Variants in TENM2 observed in about 807,000 individuals in gnomAD.
The protein encoded by TENM2 is teneurin transmembrane protein 2.
A neutral mutation model predicts 245.2 loss-of-function variants in TENM2; 52 were observed. The observed-to-expected ratio is 0.21, with a 90% CI of 0.17 to 0.27. The LOEUF is 0.27. Among genes scored for constraint, TENM2 ranks in the 10% least tolerant of loss-of-function variants. The pLI, the probability that TENM2 is intolerant of heterozygous loss-of-function variation, is 1.00. For synonymous variants in TENM2, 1,363 were observed against 1,438.9 expected (o/e 0.95, Z 1.19); for missense variants, 3,046 against 3,666.8 (o/e 0.83, Z 4.37).
rs544682231 is a variant in TENM2 at position 167,880,597 on chromosome 5, A to C, written c.712+4402A>C. ...TGGGAATCCTCACAATGAGGCCAGAAAGAAGTTTGTCATAAAGGAGCTCAT... is the reference window on the plus strand; with the variant it reads ...TGGGAATCCTCACAATGAGGCCAGACAGAAGTTTGTCATAAAGGAGCTCAT... On this transcript the variant is annotated intron_variant, in intron 3 of 28. Transcript: ENST00000518659. 2.5e-4 allele frequency among the ~76,000 whole-genome samples: 38 copies of C among 152,282 alleles called. No homozygotes were observed. In the South Asian group the frequency reaches 7.9e-3, roughly 32 times the overall value.
chr5:167,446,704 G>C (rs1436031823), intron 2 of TENM2, among the ~76,000 whole-genome samples: 3 of 151,710 alleles, frequency 2.0e-5, no homozygotes, highest in Non-Finnish European at 4.4e-5. Context: ...TTTTTTGGGG[G>C]GGGGGATTTG....
In TENM2 at chr5:167,431,940, CATATATATGT is replaced by C. The variant is rs1457128687; in HGVS notation, c.502+56476_502+56485del. 2.7e-4 allele frequency among the ~76,000 whole-genome samples: 18 copies of C among 65,858 alleles called. 1 individual carries two copies. In the South Asian group the frequency reaches 2.9e-3, roughly 10 times the overall value. The allele number at this position is 65,858 out of a possible 152,430, so 43.2% of individuals were successfully genotyped here. A position where few individuals can be genotyped will look rare whatever the true frequency, so the allele number is the denominator to read the frequency against. ...ATATATATATATACATATATATATA[CATATATATGT>C]ATATATATATGTATATATATATATA... is the stretch of plus-strand genomic sequence containing the variant. On this transcript the variant is annotated intron_variant, in intron 2 of 28. Transcript: ENST00000518659.
the TENM2 span, among the ~76,000 whole-genome samples, chr5:167,199,682 T>C: frequency 6.6e-6 from 1 of 152,156 alleles, no homozygotes; most frequent in Admixed American, 6.5e-5. Context: ...TCTCCCCTTT[T>C]TGAAATAAGC....
intron 4 of TENM2, among the ~76,000 whole-genome samples, chr5:167,992,414 C>G (rs1313658707): frequency 6.6e-6 from 1 of 152,178 alleles, no homozygotes; most frequent in Non-Finnish European, 1.5e-5. Flanking sequence ...AGGTATCTAG[C>G]TCTATCCATG....
chr5:167,674,311 A>G (rs1411570866), intron 2 of TENM2, among the ~76,000 whole-genome samples: 1 of 152,096 alleles, frequency 6.6e-6, no homozygotes, highest in East Asian at 1.9e-4. Flanking sequence ...CAGTCATGCC[A>G]TCACCTTTGT....
intron 2 of TENM2, among the ~76,000 whole-genome samples, chr5:167,585,331 T>C (rs1240124088): frequency 1.3e-5 from 2 of 152,242 alleles, no homozygotes; most frequent in Non-Finnish European, 2.9e-5. Flanking sequence ...AAGTGGTGAC[T>C]ACCTCTCTCC....
At chr5:167,691,671 C>G (rs919612853) in intron 2 of TENM2, among the ~76,000 whole-genome samples, 1 of 152,096 alleles carries the variant, frequency 6.6e-6, no homozygotes, top group Non-Finnish European at 1.5e-5. Context: ...AGGGTCATTG[C>G]GCTCAAACAG....
At chr5:167,751,537 G>C (rs1021857327) in intron 2 of TENM2, among the ~76,000 whole-genome samples, 1 of 152,148 alleles carries the variant, frequency 6.6e-6, no homozygotes, top group Non-Finnish European at 1.5e-5. Flanking sequence ...GATAAAGTGA[G>C]AAAGAGAGAG....
At chr5:167,711,995 C>A (rs1582817094) in intron 2 of TENM2, among the ~76,000 whole-genome samples, 1 of 152,118 alleles carries the variant, frequency 6.6e-6, no homozygotes, top group East Asian at 1.9e-4. Context: ...TATTTTTAAT[C>A]CTTATCATAT....
intron 2 of TENM2, among the ~76,000 whole-genome samples, chr5:167,488,666 C>T (rs1017868498): frequency 6.6e-6 from 1 of 151,786 alleles, no homozygotes; most frequent in Non-Finnish European, 1.5e-5. Flanking sequence ...CCCCTTCTAC[C>T]CCCACCACAT....
At chr5:167,592,600 C>A (rs915088753) in intron 2 of TENM2, among the ~76,000 whole-genome samples, 2 of 152,128 alleles carry the variant, frequency 1.3e-5, no homozygotes, top group African/African-American at 4.8e-5. Flanking sequence ...ACAAATGGTG[C>A]CTCCAAGATG....
chr5:167,721,113 A>C (rs902239480), intron 2 of TENM2, among the ~76,000 whole-genome samples: 4 of 152,200 alleles, frequency 2.6e-5, no homozygotes, highest in Non-Finnish European at 5.9e-5. Context: ...TAAGGGATTT[A>C]ACAGCCTTAA....
intron 2 of TENM2, among the ~76,000 whole-genome samples, chr5:167,604,706 C>T (rs989757254): frequency 1.5e-4 from 23 of 152,200 alleles, no homozygotes; most frequent in Admixed American, 3.9e-4. Flanking sequence ...TTCAAACTGT[C>T]ATTGGTGAGC....
chr5:167,842,840 T>C (rs930325921), intron 2 of TENM2, among the ~76,000 whole-genome samples: 3 of 152,144 alleles, frequency 2.0e-5, no homozygotes, highest in Non-Finnish European at 4.4e-5. Flanking sequence ...AAACGCTGAT[T>C]GGATGAGGCC....
chr5:167,083,084 T>C, the TENM2 span, among the ~76,000 whole-genome samples: 1 of 152,018 alleles, frequency 6.6e-6, no homozygotes, highest in Non-Finnish European at 1.5e-5. Flanking sequence ...CATAAATAAT[T>C]TGTGGGAGAT....
intron 2 of TENM2, among the ~76,000 whole-genome samples, chr5:167,714,140 T>G (rs1273702940): frequency 6.7e-6 from 1 of 150,142 alleles, no homozygotes; most frequent in African/African-American, 2.4e-5. Flanking sequence ...TCACAAAGCC[T>G]TCTTTATAGC....
intron 1 of TENM2, among the ~76,000 whole-genome samples, chr5:167,316,472 T>G (rs1033355849): frequency 9.2e-5 from 14 of 152,316 alleles, no homozygotes; most frequent in East Asian, 3.9e-4. Context: ...TCTGCCTAAG[T>G]GTTTCTTTCT....
the TENM2 span, among the ~76,000 whole-genome samples, chr5:167,243,704 T>G: frequency 0.084 from 12,828 of 152,208 alleles, 750 homozygotes; most frequent in East Asian, 0.2. Flanking sequence ...GATCTTGTGA[T>G]ATTAATCAGT....
chr5:167,764,298 C>T (rs1762863388), intron 2 of TENM2, among the ~76,000 whole-genome samples: 1 of 152,144 alleles, frequency 6.6e-6, no homozygotes, highest in South Asian at 2.1e-4. Flanking sequence ...CCCTACCACC[C>T]ACAGTTAAGT....
Sources: allele counts gnomAD v4.1 joint callset (sites outside exome capture counted in the v4.1 genomes callset), GRCh38; gene constraint gnomAD v4.1.1; transcripts MANE v1.5; gene names NCBI Gene and HGNC (gene_info 2026-07-23, HGNC 2026-07-21).